Variants in CLNK observed in about 807,000 individuals in gnomAD.
The protein encoded by CLNK is cytokine dependent hematopoietic cell linker.
A neutral mutation model predicts 68.6 loss-of-function variants in CLNK; 74 were observed. The observed-to-expected ratio is 1.08, with a 90% CI of 0.89 to 1.31. The LOEUF (loss-of-function observed/expected upper bound fraction) is 1.31. Among genes scored for constraint, CLNK ranks in the 50% most tolerant of loss-of-function variants. The probability of loss-of-function intolerance (pLI) is 0.00; values close to 1 mark genes in which losing one functional copy is unlikely to be tolerated. For missense variants in CLNK, 553 were observed against 515.3 expected (o/e 1.07, Z -0.71); for synonymous variants, 198 against 172.2 (o/e 1.15, Z -1.17).
intron 17 of CLNK, among the ~76,000 whole-genome samples, chr4:10,501,631 AAGTC>A (rs1717056074): frequency 6.6e-6 from 1 of 152,152 alleles, no homozygotes; most frequent in Non-Finnish European, 1.5e-5. Context: ...CTCTTCTTGA[AAGTC>A]TTTCATTGAG....
chr4:10,581,021 C>T (rs1720761693), intron 4 of CLNK, among the ~76,000 whole-genome samples: 1 of 152,134 alleles, frequency 6.6e-6, no homozygotes, highest in Non-Finnish European at 1.5e-5. Flanking sequence ...AGGTGTACCC[C>T]TTTTATCTTT....
chr4:10,577,287 C>T (rs17467609), intron 4 of CLNK, among the ~76,000 whole-genome samples: 33,856 of 152,038 alleles, frequency 0.22, 4,025 homozygotes, highest in African/African-American at 0.29. Flanking sequence ...AAGATCAGGG[C>T]TGGCTCCAAA....
intron 1 of CLNK, among the ~76,000 whole-genome samples, chr4:10,684,322 C>T (rs998506235): frequency 1.3e-5 from 2 of 152,142 alleles, no homozygotes; most frequent in African/African-American, 2.4e-5. Context: ...TTCTAGAGGG[C>T]TTACTTAATG....
At chr4:10,541,078 G>A (rs1338904156) in intron 10 of CLNK, among the ~76,000 whole-genome samples, 3 of 151,998 alleles carry the variant, frequency 2.0e-5, no homozygotes, top group Non-Finnish European at 2.9e-5. Flanking sequence ...GCCAGTCATG[G>A]TGGCATGCAC....
At chr4:10,704,227 A>C in the CLNK span, among the ~76,000 whole-genome samples, 1 of 152,190 alleles carries the variant, frequency 6.6e-6, no homozygotes, top group Non-Finnish European at 1.5e-5. Context: ...GTTGCAATCC[A>C]TCTTTCTCAT....
chr4:10,679,457 C>A (rs1725006906), intron 1 of CLNK, among the ~76,000 whole-genome samples: 1 of 152,142 alleles, frequency 6.6e-6, no homozygotes, highest in Non-Finnish European at 1.5e-5. Context: ...TAGGCATGGG[C>A]AAGGACTTCA....
chr4:10,523,118 A>C (rs1310899434), intron 14 of CLNK, among the ~76,000 whole-genome samples: 1 of 152,238 alleles, frequency 6.6e-6, no homozygotes, highest in African/African-American at 2.4e-5. Flanking sequence ...GGAGAAATAG[A>C]CACATTCAAC....
the CLNK span, among the ~76,000 whole-genome samples, chr4:10,728,769 G>T: frequency 1.3e-5 from 2 of 151,446 alleles, no homozygotes; most frequent in Admixed American, 6.6e-5. Context: ...TGTTTTTTTT[G>T]TATTTTTAGT....
chr4:10,564,852 A>G, intron 6 of CLNK, 75 bp from the exon 7 acceptor site: 1 of 881,812 alleles, frequency 1.1e-6, no homozygotes, highest in South Asian at 1.4e-5. Flanking sequence ...GTATTTGCAC[A>G]TCTACAAACT....
intron 4 of CLNK, 42 bp downstream of exon 4, chr4:10,584,885 C>T (rs766384383): frequency 6.2e-7 from 1 of 1,605,658 alleles, no homozygotes. Context: ...CAGACCCATG[C>T]TGACATTCCC....
chr4:10,711,995 T>G, the CLNK span, among the ~76,000 whole-genome samples: 2 of 152,116 alleles, frequency 1.3e-5, no homozygotes, highest in African/African-American at 4.8e-5. Context: ...ATATCGCGTT[T>G]CAAAGGAAGT....
the CLNK span, among the ~76,000 whole-genome samples, chr4:10,726,259 T>G: frequency 2.0e-5 from 3 of 152,166 alleles, no homozygotes; most frequent in Non-Finnish European, 2.9e-5. Flanking sequence ...TAGCTGGGAC[T>G]ACAGACGCCT....
At chr4:10,520,345 C>T (rs975008351) in intron 15 of CLNK, among the ~76,000 whole-genome samples, 10 of 152,010 alleles carry the variant, frequency 6.6e-5, no homozygotes, top group African/African-American at 2.4e-4. Flanking sequence ...TGTTTTGCAC[C>T]CAATGGATTG....
chr4:10,584,134 T>C (rs572152699), intron 4 of CLNK, among the ~76,000 whole-genome samples: 1 of 152,234 alleles, frequency 6.6e-6, no homozygotes, highest in Non-Finnish European at 1.5e-5. Flanking sequence ...CTGGGTGCTC[T>C]CTCCCTGTGT....
chr4:10,657,401 A>T (rs1230520075), intron 2 of CLNK, among the ~76,000 whole-genome samples: 6 of 152,264 alleles, frequency 3.9e-5, no homozygotes. Context: ...ATGCATACAC[A>T]TATCTAATAT....
intron 2 of CLNK, among the ~76,000 whole-genome samples, chr4:10,660,692 T>G (rs967036942): frequency 3.3e-5 from 5 of 152,208 alleles, no homozygotes; most frequent in Admixed American, 2.0e-4. Context: ...CAACTAGTTC[T>G]ATCAGCAGCT....
intron 2 of CLNK, among the ~76,000 whole-genome samples, chr4:10,628,695 G>A (rs1212256875): frequency 2.6e-5 from 4 of 152,126 alleles, no homozygotes; most frequent in Non-Finnish European, 5.9e-5. Context: ...CTCAGAAACC[G>A]ATACCCCAAA....
At chr4:10,671,997 GGTCGTAA>G (rs1724664129) in intron 1 of CLNK, among the ~76,000 whole-genome samples, 1 of 152,066 alleles carries the variant, frequency 6.6e-6, no homozygotes, top group Non-Finnish European at 1.5e-5. Flanking sequence ...CAGCTACTTA[GGTCGTAA>G]GTCAAATACT....
chr4:10,663,006 T>G (rs1275027968), intron 2 of CLNK, among the ~76,000 whole-genome samples: 2 of 152,204 alleles, frequency 1.3e-5, no homozygotes, highest in Non-Finnish European at 2.9e-5. Flanking sequence ...AGAGCCTGGG[T>G]GGCCAGTGCA....
Sources: gnomAD v4.1 joint callset for allele counts (sites outside exome capture counted in the v4.1 genomes callset) on GRCh38, gnomAD v4.1.1 for gene constraint, MANE v1.5 for transcripts, NCBI Gene and HGNC (gene_info 2026-07-23, HGNC 2026-07-21) for gene names.